Variants in DLG2 observed in about 807,000 individuals in gnomAD.
DLG2 encodes the protein discs large MAGUK scaffold protein 2, also known as disks large homolog 2.
A neutral mutation model predicts 132.5 loss-of-function variants in DLG2; 45 were observed. The observed-to-expected ratio is 0.34, with a 90% confidence interval of 0.27 to 0.44. The LOEUF is 0.44. DLG2 is among the 20% of genes least tolerant of loss of function. DLG2 has a pLI of 1.00. For missense variants in DLG2, 1,045 were observed against 1,196.9 expected, an observed-to-expected ratio of 0.87 and a Z score of 1.87; for synonymous variants, 424 against 419.6, an observed-to-expected ratio of 1.01 and a Z score of -0.13.
intron 3 of DLG2, among the ~76,000 whole-genome samples, chr11:85,302,892 A>C (rs1366995166): frequency 6.6e-6 from 1 of 152,220 alleles, no homozygotes; most frequent in Non-Finnish European, 1.5e-5. Context: ...ATTCAAATGC[A>C]TTATTCTACC....
At chr11:83,831,424 A>G (rs1264785538) in intron 17 of DLG2, among the ~76,000 whole-genome samples, 1 of 152,164 alleles carries the variant, frequency 6.6e-6, no homozygotes, top group African/African-American at 2.4e-5. Context: ...AGAGGACCAC[A>G]GTGACACATA....
chr11:83,589,250 G>A (rs1439474633), intron 19 of DLG2, among the ~76,000 whole-genome samples: 2 of 151,376 alleles, frequency 1.3e-5, no homozygotes, highest in African/African-American at 2.4e-5. Flanking sequence ...GAAAGGTCGG[G>A]TTACCCTCAA....
chr11:84,164,729 T>C (rs927171062), intron 8 of DLG2, among the ~76,000 whole-genome samples: 1 of 152,270 alleles, frequency 6.6e-6, no homozygotes, highest in African/African-American at 2.4e-5. Flanking sequence ...ATTATAGTTA[T>C]AATCAGTGAA....
At chr11:83,649,105 T>G (rs985226087) in intron 18 of DLG2, among the ~76,000 whole-genome samples, 57 of 152,250 alleles carry the variant, frequency 3.7e-4, no homozygotes, top group African/African-American at 1.3e-3. Flanking sequence ...GGAGATGGAC[T>G]GCTCAATAGA....
chr11:85,443,082 A>G (rs952424870), intron 3 of DLG2, among the ~76,000 whole-genome samples: 1 of 152,246 alleles, frequency 6.6e-6, no homozygotes, highest in Non-Finnish European at 1.5e-5. Context: ...ATGTGAAAAA[A>G]AAGAATTGAA....
chr11:85,073,427 C>G (rs1002332067), intron 6 of DLG2, among the ~76,000 whole-genome samples: 2 of 151,836 alleles, frequency 1.3e-5, no homozygotes, highest in Non-Finnish European at 2.9e-5. Context: ...AAATATCCAT[C>G]TTAAAAGATT....
chr11:85,046,640 T>C (rs1169563290), intron 6 of DLG2, among the ~76,000 whole-genome samples: 3 of 151,884 alleles, frequency 2.0e-5, no homozygotes, highest in Non-Finnish European at 4.4e-5. Flanking sequence ...GCAATTATTT[T>C]AGCAAAGCCT....
At chr11:84,646,321 AAAG>A (rs149237200) in intron 6 of DLG2, among the ~76,000 whole-genome samples, 26,929 of 152,122 alleles carry the variant, frequency 0.18, 3,301 homozygotes, top group African/African-American at 0.35. Context: ...CTGTAAATGA[AAAG>A]AAGGACTTTT....
At chr11:83,700,255 C>T (rs944095078) in intron 18 of DLG2, among the ~76,000 whole-genome samples, 2 of 152,122 alleles carry the variant, frequency 1.3e-5, no homozygotes, top group Admixed American at 1.3e-4. Flanking sequence ...ATTATCCTCT[C>T]TTTTTGAGAA....
intron 3 of DLG2, among the ~76,000 whole-genome samples, chr11:85,549,077 C>A (rs1457414783): frequency 6.6e-6 from 1 of 152,152 alleles, no homozygotes; most frequent in East Asian, 1.9e-4. Context: ...TCCGCCAAAA[C>A]AGCCGCCCAG....
At chr11:84,254,075 T>C (rs1598426502) in intron 7 of DLG2, among the ~76,000 whole-genome samples, 1 of 152,312 alleles carries the variant, frequency 6.6e-6, no homozygotes, top group Admixed American at 6.5e-5. Context: ...ATGCTTTCTG[T>C]TTGGTTTCCA....
chr11:84,722,532 T>G (rs1269053221), intron 6 of DLG2, among the ~76,000 whole-genome samples: 1 of 152,176 alleles, frequency 6.6e-6, no homozygotes, highest in Non-Finnish European at 1.5e-5. Flanking sequence ...AAAATAAACC[T>G]GATTATGTCA....
At chr11:85,528,723 G>T (rs1485702366) in intron 3 of DLG2, among the ~76,000 whole-genome samples, 2 of 152,148 alleles carry the variant, frequency 1.3e-5, no homozygotes, top group African/African-American at 4.8e-5. Flanking sequence ...ACAGGGCCTT[G>T]GACTTAGAAG....
At chr11:84,109,115 CA>C (rs141533818) in intron 9 of DLG2, among the ~76,000 whole-genome samples, 373 of 147,402 alleles carry the variant, frequency 2.5e-3, no homozygotes, top group East Asian at 6.5e-3. Context: ...CTTACATCGT[CA>C]AAAAAAAAAT....
chr11:85,311,825 T>A (rs2080332600), intron 3 of DLG2, among the ~76,000 whole-genome samples: 1 of 152,062 alleles, frequency 6.6e-6, no homozygotes, highest in South Asian at 2.1e-4. Context: ...TTCTTCCTTA[T>A]TTTTTATTCA....
chr11:85,060,002 CATTATTA>C (rs2063880506), intron 6 of DLG2, among the ~76,000 whole-genome samples: 1 of 151,420 alleles, frequency 6.6e-6, no homozygotes, highest in Non-Finnish European at 1.5e-5. Flanking sequence ...TACAGTACTA[CATTATTA>C]ACTATAAGCA....
At chr11:84,876,610 T>C (rs1387136115) in intron 6 of DLG2, among the ~76,000 whole-genome samples, 1 of 152,210 alleles carries the variant, frequency 6.6e-6, no homozygotes, top group East Asian at 1.9e-4. Context: ...TCTATTTGTT[T>C]TGTTAATCTT....
intron 4 of DLG2, among the ~76,000 whole-genome samples, chr11:85,250,348 A>T (rs1032579015): frequency 3.3e-5 from 5 of 152,188 alleles, no homozygotes; most frequent in Admixed American, 3.3e-4. Flanking sequence ...CTCTAGGTTA[A>T]TGTACAATTA....
intron 7 of DLG2, among the ~76,000 whole-genome samples, chr11:84,324,538 T>C (rs955519360): frequency 6.6e-6 from 1 of 152,140 alleles, no homozygotes; most frequent in African/African-American, 2.4e-5. Context: ...GGGTCCTTTG[T>C]GGTTCCATAT....
Sources: allele counts gnomAD v4.1 joint callset (sites outside exome capture counted in the v4.1 genomes callset), GRCh38; gene constraint gnomAD v4.1.1; transcripts MANE v1.5; gene names NCBI Gene and HGNC (gene_info 2026-07-23, HGNC 2026-07-21).